The following PTPRS variants were observed in gnomAD, a reference collection of about 807,000 sequenced individuals.
PTPRS encodes protein tyrosine phosphatase receptor type S.
A neutral mutation model predicts 215.3 loss-of-function variants in PTPRS; 63 were observed. The observed-to-expected ratio is 0.29, with a 90% CI of 0.24 to 0.36. The LOEUF (loss-of-function observed/expected upper bound fraction) is 0.36. PTPRS is among the 10% of genes least tolerant of loss of function. The probability of loss-of-function intolerance (pLI) is 1.00; values close to 1 mark genes in which losing one functional copy is unlikely to be tolerated. For synonymous variants in PTPRS, 1,404 were observed against 1,191.4 expected, an observed-to-expected ratio of 1.18 and a Z score of -3.68; for missense variants, 2,258 against 2,825.8, an observed-to-expected ratio of 0.80 and a Z score of 4.56.
At chr19:5,239,146 G>C in intron 12 of PTPRS, 83 bp from the exon 13 acceptor site, 4 of 851,528 alleles carry the variant, frequency 4.7e-6, no homozygotes, top group Non-Finnish European at 5.3e-6. Context: ...GAGAGAGACA[G>C]AAACAGAGGG....
intron 28 of PTPRS, 129 bp downstream of exon 28, chr19:5,215,160 G>A: frequency 1.6e-6 from 2 of 1,213,666 alleles, no homozygotes; most frequent in South Asian, 2.9e-5. Context: ...GATGCCCAGT[G>A]GCCTCCAGTT....
chr19:5,277,885 G>A (rs907804840), intron 2 of PTPRS: 3 of 1,095,826 alleles, frequency 2.7e-6, no homozygotes, highest in South Asian at 1.2e-5. Context: ...AACGTTCAAG[G>A]GCCAGATCTT....
In PTPRS at chr19:5,339,291, C is replaced by G. The variant is rs1229556444; in HGVS notation, c.-95+1373G>C. Among the ~76,000 whole-genome samples the G allele has an allele frequency of 2.6e-5, 4 of 152,024 alleles. No individual in the cohort carries two copies. In the East Asian group the frequency reaches 7.7e-4, roughly 29 times the overall value. On this transcript the variant is annotated intron_variant, in intron 1 of 37. Transcript: ENST00000262963. The surrounding 1 kb of genome is among the most constrained non-coding windows in gnomAD (Gnocchi z 4.2). Reference sequence around the variant, plus strand: ...TTGTTAATTTGGGGGAATGAGGTCCCAGGAGGTGGCTGGATTTGAGGAAGG... The same window carrying G: ...TTGTTAATTTGGGGGAATGAGGTCCGAGGAGGTGGCTGGATTTGAGGAAGG...
chr19:5,284,576 C>G (rs927374176), intron 2 of PTPRS, among the ~76,000 whole-genome samples: 2 of 151,870 alleles, frequency 1.3e-5, no homozygotes, highest in Non-Finnish European at 1.5e-5. Flanking sequence ...AGTTGTACGA[C>G]GGGGATGCTG....
chr19:5,242,419 C>T (rs2145915921), intron 11 of PTPRS, among the ~76,000 whole-genome samples: 1 of 152,160 alleles, frequency 6.6e-6, no homozygotes, highest in East Asian at 1.9e-4. Flanking sequence ...CTCTGTTGCC[C>T]AGGCTGGAGG....
At chr19:5,299,514 T>C (rs1211845067) in intron 1 of PTPRS, among the ~76,000 whole-genome samples, 2 of 152,226 alleles carry the variant, frequency 1.3e-5, no homozygotes, top group African/African-American at 4.8e-5. Context: ...CATTACCCAT[T>C]ATTTTACTGT....
chr19:5,303,669 G>A (rs957107504), intron 1 of PTPRS, among the ~76,000 whole-genome samples: 1 of 152,034 alleles, frequency 6.6e-6, no homozygotes, highest in Non-Finnish European at 1.5e-5. Flanking sequence ...TAATAGGAGT[G>A]AGGACCACGG....
intron 5 of PTPRS, among the ~76,000 whole-genome samples, chr19:5,264,022 A>G (rs1325107460): frequency 1.3e-5 from 2 of 152,184 alleles, no homozygotes; most frequent in Non-Finnish European, 2.9e-5. Flanking sequence ...CAGATGGGCC[A>G]TGTGGGTGCT....
chr19:5,240,015 C>G (rs752516979), intron 12 of PTPRS, among the ~76,000 whole-genome samples, 184 bp downstream of exon 12: 3 of 151,854 alleles, frequency 2.0e-5, no homozygotes, highest in Non-Finnish European at 2.9e-5. Flanking sequence ...GGAGATGAGA[C>G]AGAGGAGAAA....
chr19:5,234,649 A>G lies in PTPRS; in HGVS notation c.1850-3034T>C, dbSNP rs534818291. Among the ~76,000 whole-genome samples, 251 of 152,074 alleles carry G rather than the reference A, an allele frequency of 1.7e-3. 1 individual carries two copies. The highest frequency in any genetic ancestry group is 3.0e-3 in the Non-Finnish European group (203 of 67,986). On this transcript the variant is annotated intron_variant, in intron 13 of 37. Transcript: ENST00000262963. ...TGTGCCAAAGGCTCTCTCAGAAAACAGTAGTAGTCCCTGCATATTAAACCC... is the reference window on the plus strand; with the variant it reads ...TGTGCCAAAGGCTCTCTCAGAAAACGGTAGTAGTCCCTGCATATTAAACCC...
At chr19:5,247,700 G>T (rs1044440242) in intron 9 of PTPRS, among the ~76,000 whole-genome samples, 2 of 151,980 alleles carry the variant, frequency 1.3e-5, no homozygotes, top group Non-Finnish European at 2.9e-5. Flanking sequence ...GTCTCAGGGG[G>T]TCTGGTCTAC....
At chr19:5,224,943 C>T (rs1459570288) in intron 17 of PTPRS, among the ~76,000 whole-genome samples, 3 of 151,994 alleles carry the variant, frequency 2.0e-5, no homozygotes, top group African/African-American at 7.3e-5. Flanking sequence ...GGATGAAGGC[C>T]ACAGAAGTCA....
chr19:5,216,888 G>GT, intron 25 of PTPRS, 121 bp from the exon 26 acceptor site: 1 of 664,272 alleles, frequency 1.5e-6, no homozygotes, highest in Non-Finnish European at 2.7e-6. Flanking sequence ...CGGACAACGG[G>GT]GGGTATGTAC....
intron 1 of PTPRS, among the ~76,000 whole-genome samples, chr19:5,327,754 C>A (rs2147258550): frequency 6.6e-6 from 1 of 152,282 alleles, no homozygotes; most frequent in South Asian, 2.1e-4. Context: ...GTGCACACCA[C>A]CACACCCGGC....
At chr19:5,224,582 G>T (rs56285251) in intron 17 of PTPRS, among the ~76,000 whole-genome samples, 14,145 of 152,226 alleles carry the variant, frequency 0.093, 911 homozygotes, top group Non-Finnish European at 0.15. Flanking sequence ...CATGAAAATG[G>T]ACTTCTCTAC....
chr19:5,273,713 T>C (rs755879054), intron 3 of PTPRS, 130 bp from the exon 4 acceptor site: 35 of 1,156,386 alleles, frequency 3.0e-5, no homozygotes, highest in African/African-American at 4.6e-5. Context: ...ACTGGGAGAA[T>C]TGCTGCAGGC....
intron 5 of PTPRS, among the ~76,000 whole-genome samples, chr19:5,264,580 G>C (rs563292786): frequency 1.3e-5 from 2 of 152,102 alleles, no homozygotes; most frequent in Non-Finnish European, 2.9e-5. Context: ...CAAAGAGCTC[G>C]GATTACAGGC....
At chr19:5,219,040 GA>G in intron 23 of PTPRS, 1 of 634,004 alleles carries the variant, frequency 1.6e-6, no homozygotes, top group Non-Finnish European at 2.7e-6. Context: ...TATCCTCATT[GA>G]ACTGGACACA....
At chr19:5,278,646 T>C (rs1399128733) in intron 2 of PTPRS, among the ~76,000 whole-genome samples, 1 of 151,418 alleles carries the variant, frequency 6.6e-6, no homozygotes, top group Non-Finnish European at 1.5e-5. Flanking sequence ...GGCTAATTTT[T>C]GTATTTTTAG....
Sources: allele counts gnomAD v4.1 joint callset (sites outside exome capture counted in the v4.1 genomes callset), GRCh38; gene constraint gnomAD v4.1.1; non-coding constraint Gnocchi (gnomAD v3.1); transcripts MANE v1.5; gene names NCBI Gene and HGNC (gene_info 2026-07-23, HGNC 2026-07-21).